The following KCNH1 variants were observed in gnomAD, a reference collection of about 807,000 sequenced individuals.
The protein encoded by KCNH1 is voltage-gated delayed rectifier potassium channel KCNH1.
KCNH1 carries 27 observed loss-of-function variants against 69.2 expected under a neutral mutation model. The observed-to-expected ratio is 0.39, with a 90% CI of 0.29 to 0.54. The LOEUF (loss-of-function observed/expected upper bound fraction) is 0.54. Among genes scored for constraint, KCNH1 ranks in the 20% least tolerant of loss-of-function variants. KCNH1 has a pLI of 0.68. For missense variants in KCNH1, 798 were observed against 1,261.6 expected (o/e 0.63, Z 5.57); for synonymous variants, 456 against 487.7 (o/e 0.93, Z 0.86).
chr1:210,923,936 A>G (rs1337736577), intron 6 of KCNH1, among the ~76,000 whole-genome samples: 1 of 152,234 alleles, frequency 6.6e-6, no homozygotes, highest in African/African-American at 2.4e-5. Flanking sequence ...AGATGAGGTC[A>G]TACTGGAATA....
intron 6 of KCNH1, among the ~76,000 whole-genome samples, chr1:210,970,172 T>C (rs1688485609): frequency 6.6e-6 from 1 of 152,166 alleles, no homozygotes; most frequent in Non-Finnish European, 1.5e-5. Context: ...TAGGTATACC[T>C]GTGCCATGGT....
chr1:211,033,933 A>C (rs1466668317), intron 5 of KCNH1, among the ~76,000 whole-genome samples: 1 of 152,138 alleles, frequency 6.6e-6, no homozygotes, highest in Non-Finnish European at 1.5e-5. Context: ...AAAAGTGACA[A>C]CACCAACTGC....
intron 2 of KCNH1, among the ~76,000 whole-genome samples, chr1:211,105,874 C>A (rs1691339677): frequency 6.6e-6 from 1 of 152,126 alleles, no homozygotes; most frequent in Admixed American, 6.5e-5. Flanking sequence ...AATGTCTAAA[C>A]CTTTGAACAT....
At chr1:211,016,908 C>CAA (rs550833970) in intron 6 of KCNH1, among the ~76,000 whole-genome samples, 5 of 90,742 alleles carry the variant, frequency 5.5e-5, no homozygotes, top group African/African-American at 1.9e-4. Flanking sequence ...GACTCTGTCT[C>CAA]AAAAAAAAAA....
chr1:210,948,572 G>A (rs934366183), intron 6 of KCNH1, among the ~76,000 whole-genome samples: 15 of 152,214 alleles, frequency 9.9e-5, no homozygotes, highest in African/African-American at 3.6e-4. Context: ...GCTCACACCT[G>A]TAATCCCAGC....
chr1:211,131,516 T>C (rs1266912583), intron 1 of KCNH1, among the ~76,000 whole-genome samples: 1 of 152,160 alleles, frequency 6.6e-6, no homozygotes, highest in Non-Finnish European at 1.5e-5. Flanking sequence ...AAATATCTAA[T>C]AAAATGATCA....
chr1:210,816,788 C>T (rs1379960450), intron 7 of KCNH1, among the ~76,000 whole-genome samples: 2 of 152,130 alleles, frequency 1.3e-5, no homozygotes, highest in Non-Finnish European at 2.9e-5. Context: ...GCCCATTTTC[C>T]AATAGTAGTT....
rs186727837 is a variant in KCNH1 at position 211,032,747 on chromosome 1, A to G, written c.559-13491T>C. ...AAACTGGATCCCTTCCTTACACCTT[A>G]TACGAACATTAATTCAAGATGGATT... On this transcript the variant is annotated intron_variant, in intron 5 of 10. Transcript: ENST00000271751. 7.2e-5 allele frequency among the ~76,000 whole-genome samples: 11 copies of G among 152,362 alleles called. No individual in the cohort carries two copies. In the East Asian group the frequency reaches 1.9e-3, roughly 27 times the overall value.
chr1:210,892,229 AC>A (rs1017320021), intron 7 of KCNH1, among the ~76,000 whole-genome samples: 12 of 151,926 alleles, frequency 7.9e-5, no homozygotes, highest in Admixed American at 2.0e-4. Context: ...AAAAAAAAAA[AC>A]AACCCTTATA....
chr1:210,964,791 A>T (rs1161955831), intron 6 of KCNH1, among the ~76,000 whole-genome samples: 1 of 152,190 alleles, frequency 6.6e-6, no homozygotes, highest in Non-Finnish European at 1.5e-5. Flanking sequence ...TGGCAGAGAC[A>T]CAACAAAAAA....
intron 10 of KCNH1, among the ~76,000 whole-genome samples, chr1:210,764,052 T>C (rs1403240957): frequency 2.6e-5 from 4 of 151,898 alleles, no homozygotes; most frequent in African/African-American, 7.3e-5. Context: ...AATAGAAAGT[T>C]TGAAATGAAG....
At chr1:211,121,771 C>T (rs1471608025) in intron 1 of KCNH1, among the ~76,000 whole-genome samples, 1 of 152,144 alleles carries the variant, frequency 6.6e-6, no homozygotes, top group Admixed American at 6.5e-5. Flanking sequence ...AAAATTTTTG[C>T]AATCTAGTCA....
chr1:211,057,965 C>CAACAGAAAAGAAACAACACACAAAAGAA (rs1690344151), intron 5 of KCNH1, among the ~76,000 whole-genome samples: 1 of 151,892 alleles, frequency 6.6e-6, no homozygotes, highest in Non-Finnish European at 1.5e-5. Context: ...AAAGCAGCAG[C>CAACAGAAAAGAAACAACACACAAAAGAA]AACAGAAAAG....
At chr1:211,033,441 G>A (rs948666249) in intron 5 of KCNH1, among the ~76,000 whole-genome samples, 5 of 152,166 alleles carry the variant, frequency 3.3e-5, no homozygotes, top group Non-Finnish European at 5.9e-5. Context: ...TATAAATCAT[G>A]CTGCTATAAA....
At chr1:211,110,275 G>A (rs1691434426) in intron 1 of KCNH1, among the ~76,000 whole-genome samples, 1 of 152,076 alleles carries the variant, frequency 6.6e-6, no homozygotes, top group African/African-American at 2.4e-5. Flanking sequence ...CAAAAAGGAG[G>A]ACAACATGGA....
chr1:210,947,964 TG>T (rs1271147477), intron 6 of KCNH1, among the ~76,000 whole-genome samples: 1 of 151,490 alleles, frequency 6.6e-6, no homozygotes, highest in African/African-American at 2.4e-5. Flanking sequence ...CCCAGCACTT[TG>T]GGGTAGGGGT....
At chr1:210,853,146 A>G (rs1685746613) in intron 7 of KCNH1, among the ~76,000 whole-genome samples, 1 of 152,138 alleles carries the variant, frequency 6.6e-6, no homozygotes, top group Admixed American at 6.5e-5. Context: ...ACAGAGCTGG[A>G]TTCAACCCCT....
rs1360990399 is a variant in KCNH1 at position 210,769,151 on chromosome 1, A to G, written c.2112+6197T>C. 2.0e-5 allele frequency among the ~76,000 whole-genome samples: 3 copies of G among 152,218 alleles called. 1 individual carries two copies. The highest frequency in any genetic ancestry group is 6.5e-5 in the Admixed American group (1 of 15,286). On this transcript the variant is annotated intron_variant, in intron 10 of 10. Transcript: ENST00000271751. Reference sequence around the variant, plus strand: ...AGATATCATTTTTAAAACTTAGGCTATGATGACTCAGGGGGGAAGTGGATG... The same window carrying G: ...AGATATCATTTTTAAAACTTAGGCTGTGATGACTCAGGGGGGAAGTGGATG...
chr1:210,983,696 C>A (rs976384609), intron 6 of KCNH1, among the ~76,000 whole-genome samples: 3 of 152,156 alleles, frequency 2.0e-5, no homozygotes, highest in Non-Finnish European at 4.4e-5. Context: ...AGTTTGAAGT[C>A]AGGTAGCGTG....
Sources: gnomAD v4.1 joint callset for allele counts (sites outside exome capture counted in the v4.1 genomes callset) on GRCh38, gnomAD v4.1.1 for gene constraint, MANE v1.5 for transcripts, NCBI Gene and HGNC (gene_info 2026-07-23, HGNC 2026-07-21) for gene names.